Variants in CARS1 observed in about 807,000 individuals in gnomAD.
CARS1 encodes the protein cysteine--tRNA ligase, cytoplasmic.
A neutral mutation model predicts 106.2 loss-of-function variants in CARS1; 48 were observed. That is an observed-to-expected ratio of 0.45 (90% CI 0.36 to 0.57). CARS1 has a LOEUF of 0.57. CARS1 is among the 20% of genes least tolerant of loss of function. The pLI, the probability that CARS1 is intolerant of heterozygous loss-of-function variation, is 0.00. For synonymous variants in CARS1, 409 were observed against 403.4 expected, an observed-to-expected ratio of 1.01 and a Z score of -0.17; for missense variants, 968 against 1,057.2, an observed-to-expected ratio of 0.92 and a Z score of 1.17.
intron 7 of CARS1, among the ~76,000 whole-genome samples, chr11:3,032,957 G>T (rs1053570895): frequency 5.9e-5 from 9 of 151,782 alleles, no homozygotes; most frequent in African/African-American, 9.7e-5. Flanking sequence ...CCCCCTGGTG[G>T]GTGCGGATGC....
Position 3,028,959 on chromosome 11 carries a change from CA to C in CARS1, c.1031+36del, listed in dbSNP as rs1298403822. On this transcript the variant is annotated intron_variant, in intron 9 of 22. Coordinates refer to ENST00000380525, the MANE Select transcript of CARS1 (RefSeq NM_001014437.3). This position sits in a 1 kb window ranked among gnomAD's most constrained non-coding sequence, Gnocchi z 4.4. ...GAGCTCCTCCCTGTGCGATGTTCTGCAGCCCTTCCCTCCCTAGGGAAGGCCC... is the reference window on the plus strand; with the variant it reads ...GAGCTCCTCCCTGTGCGATGTTCTGCGCCCTTCCCTCCCTAGGGAAGGCCC... The C allele has an allele frequency of 1.4e-6, 2 of 1,421,738 alleles. No homozygotes were observed. The highest frequency in any genetic ancestry group is 2.0e-6 in the Non-Finnish European group (2 of 1,005,258). 88.1% of individuals were successfully genotyped at this position (1,421,738 alleles called of 1,614,324 possible). A position where few individuals can be genotyped will look rare whatever the true frequency, so the allele number is the denominator to read the frequency against.
rs1851400324 is a variant in CARS1 at position 3,019,770 on chromosome 11, G to A, written c.1266+450C>T. On this transcript the variant is annotated intron_variant, in intron 11 of 22. Coordinates refer to ENST00000380525, the MANE Select transcript of CARS1 (RefSeq NM_001014437.3). This position sits in a 1 kb window ranked among gnomAD's most constrained non-coding sequence, Gnocchi z 6.2. ...GAAGTTCATAAACCGGTCCTATGTG[G>A]GCCGAGGTTTAGGTGAAGTTACTGA... is the stretch of plus-strand genomic sequence containing the variant. Among the ~76,000 whole-genome samples the A allele has an allele frequency of 6.6e-6, 1 of 151,900 alleles. No individual in the cohort carries two copies. Among genetic ancestry groups the A allele is most frequent in the Non-Finnish European group, 1.5e-5 (1 of 67,996 alleles).
At position 3,020,784 on chromosome 11, in the gene CARS1, T is replaced by G. The variant is rs1323693486; in HGVS notation, c.1154-452A>C. ...TCAAGGGCCCGCACAACTATCTGCTTATGGGTCCCGGGGGATACAAGGATG... is the reference window on the plus strand; with the variant it reads ...TCAAGGGCCCGCACAACTATCTGCTGATGGGTCCCGGGGGATACAAGGATG... On this transcript the variant is annotated intron_variant, in intron 10 of 22. Transcript: ENST00000380525. The surrounding 1 kb of genome is among the most constrained non-coding windows in gnomAD (Gnocchi z 4.6). Among the ~76,000 whole-genome samples, 3 of 152,138 alleles carry G rather than the reference T, an allele frequency of 2.0e-5. No individual in the cohort carries two copies. Among genetic ancestry groups the G allele is most frequent in the Admixed American group, 1.3e-4 (2 of 15,268 alleles).
rs747455317 is a variant in CARS1 at position 3,018,625 on chromosome 11, T to G, written c.1520A>C (p.His507Pro). The G allele has an allele frequency of 6.2e-7, 1 of 1,614,160 alleles. No individual in the cohort carries two copies. The highest frequency in any genetic ancestry group is 2.2e-5 in the East Asian group (1 of 44,880). Reference protein sequence around the residue: ...FITIKDALKKHSARQLRLAFL... With the variant: ...FITIKDALKKPSARQLRLAFL... The stretch of plus-strand genomic sequence containing the variant: ...TGGGAGAAGCCAGTGTATACCTGAG[T>G]GCTTTTTCAAGGCATCTTTAATGGT... The change falls in exon 13 of 23, where the codon CAC (histidine) becomes CCC (proline). Residue 507 changes from histidine (H) to proline (P), a missense_variant. His to Pro is a moderately conservative substitution (Grantham distance 77). Transcript: ENST00000380525.
At chr11:3,011,522 A>G (rs541665998) in intron 18 of CARS1, among the ~76,000 whole-genome samples, 93 of 152,070 alleles carry the variant, frequency 6.1e-4, no homozygotes, top group African/African-American at 1.9e-3. Context: ...GCTGAGGCAG[A>G]AGAATGGCGT....
intron 21 of CARS1, 102 bp downstream of exon 21, chr11:3,002,439 G>A (rs758242590): frequency 6.4e-7 from 1 of 1,560,630 alleles, no homozygotes; most frequent in African/African-American, 1.4e-5. Flanking sequence ...AGGGTCTGCA[G>A]GGGCCTGGCT....
rs956690331 is a variant in CARS1 at position 3,044,077 on chromosome 11, C to G, written c.275-1821G>C. On this transcript the variant is annotated intron_variant, in intron 2 of 22. Coordinates refer to ENST00000380525, the MANE Select transcript of CARS1 (RefSeq NM_001014437.3). This position sits in a 1 kb window ranked among gnomAD's most constrained non-coding sequence, Gnocchi z 4.4. ...GCCTGGAGGCATTCAACCGGCCACT[C>G]TAGGATCCCATCACTCTCCTCCCTC... Among the ~76,000 whole-genome samples the G allele has an allele frequency of 6.6e-6, 1 of 152,200 alleles. No homozygotes were observed. Among genetic ancestry groups the G allele is most frequent in the Non-Finnish European group, 1.5e-5 (1 of 68,020 alleles).
rs145885144 is a variant in CARS1 at position 3,038,030 on chromosome 11, G to A, written c.801+20C>T. ...ACATTTGACCCGAACGGGCTGTCTG[G>A]GAGATGTGTGAAGCCTCACCTCCAC... On this transcript the variant is annotated intron_variant, in intron 7 of 22. Coordinates refer to ENST00000380525, the MANE Select transcript of CARS1 (RefSeq NM_001014437.3). The surrounding 1 kb of genome is among the most constrained non-coding windows in gnomAD (Gnocchi z 4.0). 429 of 1,604,928 alleles carry A rather than the reference G, an allele frequency of 2.7e-4. No homozygotes were observed. In the African/African-American group the frequency reaches 2.9e-3, roughly 11 times the overall value.
rs138108311 is a variant in CARS1, at chr11:3,039,062, G to A, written c.651+132C>T. The A allele has an allele frequency of 2.1e-3, 1,260 of 603,986 alleles. 10 individuals are homozygous for A. In the African/African-American group the frequency reaches 0.021, roughly 10 times the overall value. 37.4% of individuals were successfully genotyped at this position (603,986 alleles called of 1,614,324 possible). A position where few individuals can be genotyped will look rare whatever the true frequency, so the allele number is the denominator to read the frequency against. Reference sequence around the variant, plus strand: ...CTATGGAGACTTCAGCGCCCCTGACGGAACTGGCTTGAGTAACATACACTT... The same window carrying A: ...CTATGGAGACTTCAGCGCCCCTGACAGAACTGGCTTGAGTAACATACACTT... On this transcript the variant is annotated intron_variant, in intron 6 of 22. Transcript: ENST00000380525. The surrounding 1 kb of genome is among the most constrained non-coding windows in gnomAD (Gnocchi z 5.6).
At chr11:3,012,124 G>A (rs970346839) in intron 18 of CARS1, 71 bp downstream of exon 18, 2 of 1,375,352 alleles carry the variant, frequency 1.5e-6, no homozygotes, top group African/African-American at 2.8e-5. Context: ...AGTGCCTCGG[G>A]GGAGACGCCC....
chr11:3,036,163 C>T (rs1217176601), intron 7 of CARS1, among the ~76,000 whole-genome samples: 3 of 152,250 alleles, frequency 2.0e-5, no homozygotes, highest in Non-Finnish European at 4.4e-5. Flanking sequence ...GAGGAAGCTT[C>T]AGCAGCCTGC....
rs139387431 is a variant in CARS1, at chr11:3,041,267, T to G, written c.367-283A>C. 51 of 453,682 alleles carry G rather than the reference T, an allele frequency of 1.1e-4. 1 individual carries two copies. The East Asian group carries it at 1.9e-3, about 17-fold the overall frequency. The allele number at this position is 453,682 out of a possible 1,614,324, so 28.1% of individuals were successfully genotyped here. A position where few individuals can be genotyped will look rare whatever the true frequency, so the allele number is the denominator to read the frequency against. ...AAAGGGAATCAATGATTTTATTGAT[T>G]GTTGAAATGCTGCTTATTTAACAAT... is the stretch of plus-strand genomic sequence containing the variant. On this transcript the variant is annotated intron_variant, in intron 3 of 22. Transcript: ENST00000380525. This position sits in a 1 kb window ranked among gnomAD's most constrained non-coding sequence, Gnocchi z 4.9.
At chr11:3,018,072 A>T in intron 14 of CARS1, 118 bp from the exon 15 acceptor site, 1 of 674,516 alleles carries the variant, frequency 1.5e-6, no homozygotes, top group South Asian at 1.8e-5. Flanking sequence ...GACCAGAATT[A>T]CACAAGTGGT....
intron 17 of CARS1, among the ~76,000 whole-genome samples, chr11:3,014,832 G>C (rs1488991009): frequency 1.3e-5 from 2 of 152,212 alleles, no homozygotes; most frequent in African/African-American, 4.8e-5. Flanking sequence ...GTTCCTGGGG[G>C]AGCATCTGTA....
chr11:3,049,871 G>A (rs1476554983), intron 1 of CARS1, among the ~76,000 whole-genome samples: 2 of 152,166 alleles, frequency 1.3e-5, no homozygotes, highest in Non-Finnish European at 2.9e-5. Context: ...AGAGAGCAGA[G>A]TGTGTTGCGG....
rs115893123 is a variant in CARS1 at position 3,039,641 on chromosome 11, G to T, written c.552+194C>A. ...CTGAGCAACATGCAGGTTTCTAACC[G>T]TGTCTGAACATCATAGAAATGATCA... On this transcript the variant is annotated intron_variant, in intron 5 of 22. Coordinates refer to ENST00000380525, the MANE Select transcript of CARS1 (RefSeq NM_001014437.3). This position sits in a 1 kb window ranked among gnomAD's most constrained non-coding sequence, Gnocchi z 5.6. 6.6e-6 allele frequency among the ~76,000 whole-genome samples: 1 copy of T among 152,214 alleles called. No individual in the cohort carries two copies. Among genetic ancestry groups the T allele is most frequent in the Non-Finnish European group, 1.5e-5 (1 of 68,042 alleles).
intron 19 of CARS1, among the ~76,000 whole-genome samples, 170 bp downstream of exon 19, chr11:3,006,709 G>A (rs1327817141): frequency 6.6e-6 from 1 of 152,218 alleles, no homozygotes; most frequent in African/African-American, 2.4e-5. Context: ...CCCTGCCCCT[G>A]CCAGGCTGGC....
rs1184010304 is a variant in CARS1 at position 3,038,385 on chromosome 11, CT to C, written c.652-187del. Among the ~76,000 whole-genome samples the C allele has an allele frequency of 3.3e-5, 5 of 152,320 alleles. No individual in the cohort carries two copies. The East Asian group carries it at 9.6e-4, about 29-fold the overall frequency. ...ACTGAAGCTCCCGGCTCAGGAGCTC[CT>C]GGTTCTGCCCTCTCACGTGTGACCC... On this transcript the variant is annotated intron_variant, in intron 6 of 22. Coordinates refer to ENST00000380525, the MANE Select transcript of CARS1 (RefSeq NM_001014437.3). This position sits in a 1 kb window ranked among gnomAD's most constrained non-coding sequence, Gnocchi z 4.0.
chr11:3,056,281 C>T (rs1856193171), intron 1 of CARS1, among the ~76,000 whole-genome samples: 1 of 152,202 alleles, frequency 6.6e-6, no homozygotes, highest in Non-Finnish European at 1.5e-5. Context: ...CTTACAAGAA[C>T]TTGCATCTAA....
Sources: gnomAD v4.1 joint callset for allele counts (sites outside exome capture counted in the v4.1 genomes callset) on GRCh38, gnomAD v4.1.1 for gene constraint, Gnocchi (gnomAD v3.1) non-coding constraint, MANE v1.5 for transcripts, NCBI Gene and HGNC (gene_info 2026-07-23, HGNC 2026-07-21) for gene names.